The following CHSY3 variants were observed in gnomAD, a reference collection of about 807,000 sequenced individuals.
The protein encoded by CHSY3 is chondroitin sulfate synthase 3, also known as N-acetylgalactosaminyl-proteoglycan 3-beta-glucuronosyltransferase 3.
Under a neutral mutation model 67.2 loss-of-function variants are expected in CHSY3, and 35 were observed. The observed-to-expected ratio is 0.52, with a 90% CI of 0.40 to 0.69. The LOEUF (loss-of-function observed/expected upper bound fraction) is 0.69. Ranked by LOEUF, CHSY3 falls within the 30% of genes least tolerant of loss-of-function variation. The probability of loss-of-function intolerance (pLI) is 0.00; values close to 1 mark genes in which losing one functional copy is unlikely to be tolerated. For missense variants in CHSY3, 1,069 were observed against 1,138.5 expected (o/e 0.94, Z 0.88); for synonymous variants, 474 against 434.7 (o/e 1.09, Z -1.12).
intron 2 of CHSY3, among the ~76,000 whole-genome samples, chr5:130,114,145 T>C (rs1390470447): frequency 6.6e-6 from 1 of 152,174 alleles, no homozygotes; most frequent in Non-Finnish European, 1.5e-5. Flanking sequence ...AATGCAGTGA[T>C]TATTGAGCCT....
chr5:130,103,975 G>T (rs1323998350), intron 2 of CHSY3, among the ~76,000 whole-genome samples: 1 of 151,800 alleles, frequency 6.6e-6, no homozygotes, highest in Non-Finnish European at 1.5e-5. Context: ...CCTTGTTCTA[G>T]CCAGAGACTA....
At position 130,028,724 on chromosome 5, in the gene CHSY3, T is replaced by A. The variant is rs570148740; in HGVS notation, c.1086+120364T>A. ...GTCTCTGTCTCTCTCTTTCTTTATT[T>A]CTGTCATTCTCTCTCTTATTACTTT... On this transcript the variant is annotated intron_variant, in intron 2 of 2. Transcript: ENST00000305031. Among the ~76,000 whole-genome samples the A allele has an allele frequency of 5.7e-4, 87 of 152,194 alleles. 1 individual carries two copies. In the South Asian group the frequency reaches 6.9e-3, roughly 12 times the overall value.
chr5:130,100,965 T>C (rs1438069189), intron 2 of CHSY3, among the ~76,000 whole-genome samples: 1 of 152,178 alleles, frequency 6.6e-6, no homozygotes, highest in Non-Finnish European at 1.5e-5. Context: ...ACTGATCAAG[T>C]ATAATAAGTT....
chr5:130,050,969 A>G (rs1343105385), intron 2 of CHSY3, among the ~76,000 whole-genome samples: 1 of 152,212 alleles, frequency 6.6e-6, no homozygotes, highest in African/African-American at 2.4e-5. Flanking sequence ...TACAAAAAAT[A>G]TGGTATATTT....
rs1297890168 is a variant in CHSY3, at chr5:130,014,932, G to A, written c.1086+106572G>A. On this transcript the variant is annotated intron_variant, in intron 2 of 2. Transcript: ENST00000305031. ...AGAGCAAACAGACATCCTACAGAAC[G>A]GGAGAAAATAATTTGCAAACCATAC... Among the ~76,000 whole-genome samples the A allele has an allele frequency of 3.9e-5, 6 of 152,056 alleles. No individual in the cohort carries two copies. The South Asian group carries it at 8.3e-4, about 21-fold the overall frequency.
At chr5:130,090,081 G>T (rs1033297944) in intron 2 of CHSY3, among the ~76,000 whole-genome samples, 8 of 152,030 alleles carry the variant, frequency 5.3e-5, no homozygotes, top group African/African-American at 1.9e-4. Context: ...TTCACTCCAG[G>T]TACTAATACC....
intron 2 of CHSY3, among the ~76,000 whole-genome samples, chr5:130,152,753 A>AT (rs1242957796): frequency 6.6e-6 from 1 of 152,096 alleles, no homozygotes; most frequent in Non-Finnish European, 1.5e-5. Flanking sequence ...GACTGATAAT[A>AT]TTTAATGCCC....
rs921839769 is a variant in CHSY3 at position 130,044,159 on chromosome 5, A to G, written c.1086+135799A>G. Among the ~76,000 whole-genome samples the G allele has an allele frequency of 5.3e-5, 8 of 152,274 alleles. 1 individual carries two copies. The highest frequency in any genetic ancestry group is 4.6e-4 in the Admixed American group (7 of 15,280). ...AGAAGGAATCTACTGAAAAATTTGA[A>G]CAATTCAAGAATGATTATCTAGGAA... is the stretch of plus-strand genomic sequence containing the variant. On this transcript the variant is annotated intron_variant, in intron 2 of 2. Transcript: ENST00000305031.
chr5:130,140,240 C>T, intron 2 of CHSY3: 1 of 294,416 alleles, frequency 3.4e-6, no homozygotes, highest in Non-Finnish European at 6.2e-6. Context: ...GTTTTTGATG[C>T]CAAATATCTG....
At chr5:130,101,070 T>A (rs1767227942) in intron 2 of CHSY3, among the ~76,000 whole-genome samples, 1 of 152,220 alleles carries the variant, frequency 6.6e-6, no homozygotes, top group East Asian at 1.9e-4. Flanking sequence ...AAGTGAAAAC[T>A]GCTAGCAATT....
chr5:130,171,580 T>C (rs1769894624), intron 2 of CHSY3, among the ~76,000 whole-genome samples: 1 of 152,216 alleles, frequency 6.6e-6, no homozygotes, highest in Non-Finnish European at 1.5e-5. Context: ...CTGAAAGTGT[T>C]TTTAAGTTGT....
intron 2 of CHSY3, among the ~76,000 whole-genome samples, chr5:130,116,128 C>T (rs1384659954): frequency 3.9e-5 from 6 of 152,154 alleles, no homozygotes; most frequent in Admixed American, 1.3e-4. Context: ...AGAATTATTT[C>T]TGAAAAATCC....
chr5:130,002,049 C>T, intron 2 of CHSY3: 1 of 889,650 alleles, frequency 1.1e-6, no homozygotes, highest in Non-Finnish European at 1.3e-6. Flanking sequence ...TAACTCACTA[C>T]TTTAGCAGTA....
At chr5:130,165,636 G>A (rs1769724338) in intron 2 of CHSY3, among the ~76,000 whole-genome samples, 1 of 151,788 alleles carries the variant, frequency 6.6e-6, no homozygotes, top group East Asian at 1.9e-4. Context: ...TTATAGGAGA[G>A]GGTCCGAGTA....
At chr5:130,105,742 G>T (rs1452586883) in intron 2 of CHSY3, among the ~76,000 whole-genome samples, 1 of 151,634 alleles carries the variant, frequency 6.6e-6, no homozygotes, top group East Asian at 1.9e-4. Flanking sequence ...TAGTGCCATT[G>T]TCATGAGTAT....
chr5:130,163,490 G>A lies in CHSY3; in HGVS notation c.1087-20739G>A, dbSNP rs114144380. Among the ~76,000 whole-genome samples the A allele has an allele frequency of 9.4e-3, 1,425 of 152,012 alleles. 26 individuals are homozygous for A. The highest frequency in any genetic ancestry group is 0.033 in the African/African-American group (1,361 of 41,444). On this transcript the variant is annotated intron_variant, in intron 2 of 2. Coordinates refer to ENST00000305031, the MANE Select transcript of CHSY3 (RefSeq NM_175856.5). ...TAATGACACTTTCCCTTCAACTTCT[G>A]GACCTTTCTTAACTTGAGGTTTCAA...
At position 130,103,606 on chromosome 5, in the gene CHSY3, G is replaced by T. The variant is rs78872487; in HGVS notation, c.1087-80623G>T. Among the ~76,000 whole-genome samples, 303 of 152,046 alleles carry T rather than the reference G, an allele frequency of 2.0e-3. 2 individuals are homozygous for T. Among genetic ancestry groups the T allele is most frequent in the African/African-American group, 7.1e-3 (296 of 41,524 alleles). On this transcript the variant is annotated intron_variant, in intron 2 of 2. Coordinates refer to ENST00000305031, the MANE Select transcript of CHSY3 (RefSeq NM_175856.5). ...AGAGAGGAATATCTCACTGTTGGCA[G>T]AAAAATATAGAGAGAGATATATGTA...
intron 2 of CHSY3, among the ~76,000 whole-genome samples, chr5:130,037,577 T>G (rs1764895029): frequency 6.6e-6 from 1 of 152,080 alleles, no homozygotes; most frequent in South Asian, 2.1e-4. Context: ...TTCTATGATA[T>G]ATATTATATA....
At chr5:130,018,515 C>T (rs548178316) in intron 2 of CHSY3, among the ~76,000 whole-genome samples, 61 of 152,326 alleles carry the variant, frequency 4.0e-4, no homozygotes, top group African/African-American at 1.4e-3. Context: ...GCCAATACTG[C>T]TGTGGCTTTT....
Sources: gnomAD v4.1 joint callset for allele counts (sites outside exome capture counted in the v4.1 genomes callset) on GRCh38, gnomAD v4.1.1 for gene constraint, MANE v1.5 for transcripts, NCBI Gene and HGNC (gene_info 2026-07-23, HGNC 2026-07-21) for gene names.